Variants in DMBT1 observed in about 807,000 individuals in gnomAD.
DMBT1 encodes the protein deleted in malignant brain tumors 1, also known as scavenger receptor cysteine-rich domain-containing protein DMBT1.
In DMBT1, 198 loss-of-function variants were observed where a neutral mutation model predicts 252.9. The ratio of observed to expected loss-of-function variants is 0.78; its 90% CI spans 0.70 to 0.88. The LOEUF is 0.88. DMBT1 is among the 40% of genes least tolerant of loss of function. DMBT1 has a pLI of 0.00. For synonymous variants in DMBT1, 990 were observed against 942.7 expected (o/e 1.05, Z -0.92); for missense variants, 2,432 against 2,404.7 (o/e 1.01, Z -0.24).
chr10:122,576,377 G>A, intron 6 of DMBT1, 22 bp from the exon 7 acceptor site: 1 of 1,611,414 alleles, frequency 6.2e-7, no homozygotes, highest in Non-Finnish European at 8.5e-7. Flanking sequence ...ATGTGCAAGA[G>A]AAATTCTGTG....
At chr10:122,566,098 A>G in intron 2 of DMBT1, 102 bp downstream of exon 2, 3 of 1,292,224 alleles carry the variant, frequency 2.3e-6, no homozygotes, top group Non-Finnish European at 2.2e-6. Context: ...CACAGAGCAA[A>G]CGCCTGCCTT....
Position 122,637,121 on chromosome 10 carries a change from C to A in DMBT1, c.6758-7C>A. 1.2e-6 allele frequency: 2 copies of A among 1,612,982 alleles called. No homozygotes were observed. Among genetic ancestry groups the A allele is most frequent in the Non-Finnish European group, 1.7e-6 (2 of 1,179,434 alleles). On this transcript the variant is annotated splice_polypyrimidine_tract_variant and splice_region_variant and intron_variant, in intron 53 of 55. Coordinates refer to ENST00000338354, the MANE Select transcript of DMBT1 (RefSeq NM_001377530.1). Reference sequence around the variant, plus strand: ...GACTGAGTGCCTTATCTGTCCTTGTCTATCAGACCTGCTCTGTCTGCCAAA... The same window carrying A: ...GACTGAGTGCCTTATCTGTCCTTGTATATCAGACCTGCTCTGTCTGCCAAA...
At chr10:122,639,534 G>A (rs1480896888) in intron 54 of DMBT1, among the ~76,000 whole-genome samples, 1 of 152,138 alleles carries the variant, frequency 6.6e-6, no homozygotes, top group Non-Finnish European at 1.5e-5. Context: ...GGGAGCTTCT[G>A]AGCCAGGAGA....
intron 7 of DMBT1, 42 bp downstream of exon 7, chr10:122,576,764 T>A: frequency 1.2e-6 from 2 of 1,610,860 alleles, no homozygotes; most frequent in African/African-American, 1.3e-5. Flanking sequence ...TGGTGGCTCA[T>A]GCCTTTAATC....
intron 6 of DMBT1, among the ~76,000 whole-genome samples, chr10:122,574,781 C>T (rs61081265): frequency 0.019 from 2,941 of 152,278 alleles, 90 homozygotes; most frequent in African/African-American, 0.066. Flanking sequence ...CTGGTCCAGC[C>T]AGGGATGGGA....
chr10:122,597,431 T>C (rs1215854626), intron 24 of DMBT1, among the ~76,000 whole-genome samples: 1 of 152,124 alleles, frequency 6.6e-6, no homozygotes, highest in Non-Finnish European at 1.5e-5. Context: ...GCTAAAGCCT[T>C]AAACATGGCT....
intron 41 of DMBT1, 77 bp from the exon 42 acceptor site, chr10:122,619,231 T>C: frequency 1.3e-6 from 2 of 1,588,454 alleles, no homozygotes; most frequent in Non-Finnish European, 8.6e-7. Context: ...GCTTGCCCAG[T>C]TCCTTCTATC....
chr10:122,640,802 C>T (rs149198262), intron 55 of DMBT1, among the ~76,000 whole-genome samples: 24 of 152,236 alleles, frequency 1.6e-4, no homozygotes, highest in Non-Finnish European at 2.1e-4. Flanking sequence ...TCCAGCCATA[C>T]GGTTAAAAAG....
chr10:122,564,020 A>T (rs2097569872), intron 1 of DMBT1, among the ~76,000 whole-genome samples: 1 of 152,210 alleles, frequency 6.6e-6, no homozygotes, highest in Non-Finnish European at 1.5e-5. Context: ...TCTGGTACAG[A>T]GTTCCCTAGT....
Position 122,577,806 on chromosome 10 carries a change from C to T in DMBT1, c.608-5C>T, listed in dbSNP as rs530511573. The T allele has an allele frequency of 2.5e-5, 40 of 1,613,292 alleles. No homozygotes were observed. The highest frequency in any genetic ancestry group is 2.8e-5 in the Non-Finnish European group (33 of 1,179,630). On this transcript the variant is annotated splice_polypyrimidine_tract_variant and splice_region_variant and intron_variant, in intron 7 of 55. Transcript: ENST00000338354. ...GTGTCTAATGTTGCTATTTTTTTCTCACAGCTGCCCAGCCTCAGTCAACAC... is the reference window on the plus strand; with the variant it reads ...GTGTCTAATGTTGCTATTTTTTTCTTACAGCTGCCCAGCCTCAGTCAACAC...
intron 1 of DMBT1, among the ~76,000 whole-genome samples, chr10:122,563,720 C>G (rs557431715): frequency 1.3e-5 from 2 of 152,274 alleles, no homozygotes; most frequent in Non-Finnish European, 2.9e-5. Context: ...AGATTGGTCT[C>G]AGTATGTGCA....
rs2098152049 is a variant in DMBT1 at position 122,630,355 on chromosome 10, C to T, written c.5890C>T (p.Leu1964Phe). The T allele has an allele frequency of 6.2e-7, 1 of 1,613,942 alleles. No individual in the cohort carries two copies. Among genetic ancestry groups the T allele is most frequent in the East Asian group, 2.2e-5 (1 of 44,882 alleles). ...CTTTGATGGATCATTGAATAGCAGTCTCCTGCTGGGGAAAATCTGTAATGA... is the reference window on the plus strand; with the variant it reads ...CTTTGATGGATCATTGAATAGCAGTTTCCTGCTGGGGAAAATCTGTAATGA... ...EIFDGSLNSS[L>F]LLGKICNDTR... Residue 1964 changes from leucine (L) to phenylalanine (F), a missense_variant, in exon 48 of 56, where the codon CTC becomes TTC. Coordinates refer to ENST00000338354, the MANE Select transcript of DMBT1 (RefSeq NM_001377530.1).
At chr10:122,625,242 T>C in intron 44 of DMBT1, 35 bp from the exon 45 acceptor site, 1 of 1,605,548 alleles carries the variant, frequency 6.2e-7, no homozygotes, top group Non-Finnish European at 8.5e-7. Context: ...TCCTGGGCAC[T>C]GGGACTGACT....
intron 42 of DMBT1, among the ~76,000 whole-genome samples, chr10:122,619,799 C>G (rs1431655467): frequency 6.6e-6 from 1 of 152,232 alleles, no homozygotes; most frequent in Admixed American, 6.5e-5. Flanking sequence ...CCAGATTTTG[C>G]AAGGCCATAT....
chr10:122,631,946 CAGGGCATGTTGCT>C, intron 50 of DMBT1, 71 bp downstream of exon 50: 2 of 1,530,308 alleles, frequency 1.3e-6, no homozygotes, highest in Non-Finnish European at 1.8e-6. Flanking sequence ...CTAGACTGTG[CAGGGCATGTTGCT>C]CACTCTCCAA....
intron 16 of DMBT1, 105 bp from the exon 17 acceptor site, chr10:122,588,839 G>A (rs2097820265): frequency 1.3e-6 from 2 of 1,547,488 alleles, no homozygotes; most frequent in Non-Finnish European, 1.8e-6. Context: ...GTGACTGCCT[G>A]CCCAGGTGAC....
At chr10:122,579,145 C>T (rs2097741456) in intron 9 of DMBT1, among the ~76,000 whole-genome samples, 2 of 152,096 alleles carry the variant, frequency 1.3e-5, no homozygotes, top group South Asian at 2.1e-4. Flanking sequence ...AGAAAAGATC[C>T]TTATCTATGG....
rs183604937 is a variant in DMBT1, at chr10:122,631,195, C to T, written c.6260C>T (p.Thr2087Met). ...CTGGACGATGTAGAGTGCTCAGGGA[C>T]GGAATCCACTCTCTGGCAGTGCCGG... ...ITLDDVECSGTESTLWQCRNR... is the reference protein window; with the variant it reads ...ITLDDVECSGMESTLWQCRNR... The change falls in exon 49 of 56, where the codon ACG (threonine) becomes ATG (methionine). Residue 2087 changes from threonine (T) to methionine (M), a missense_variant. Coordinates refer to ENST00000338354, the MANE Select transcript of DMBT1 (RefSeq NM_001377530.1). 55 of 1,614,000 alleles carry T rather than the reference C, an allele frequency of 3.4e-5. No individual in the cohort carries two copies. The highest frequency in any genetic ancestry group is 2.7e-4 in the Admixed American group (16 of 60,022).
chr10:122,586,220 C>T lies in DMBT1; in HGVS notation c.1620C>T (p.Ala540=), dbSNP rs1372840942. 6.3e-7 allele frequency: 1 copy of T among 1,588,868 alleles called. No homozygotes were observed. Among genetic ancestry groups the T allele is most frequent in the Non-Finnish European group, 8.6e-7 (1 of 1,166,030 alleles). The change falls in exon 16 of 56, where the codon GCC becomes GCT. Residue 540 remains alanine (A), a synonymous_variant. Coordinates refer to ENST00000338354, the MANE Select transcript of DMBT1 (RefSeq NM_001377530.1). ...VVCRQLGCGW[A]MLAPGNARFG... is the part of the protein sequence containing the mutation. ...GCAGGCAGCTGGGCTGTGGCTGGGC[C>T]ATGTTGGCCCCAGGAAATGCCCGGT...
Sources: gnomAD v4.1 joint callset for allele counts (sites outside exome capture counted in the v4.1 genomes callset) on GRCh38, gnomAD v4.1.1 for gene constraint, MANE v1.5 for transcripts, NCBI Gene and HGNC (gene_info 2026-07-23, HGNC 2026-07-21) for gene names.